Variants in KCNIP4 observed in about 807,000 individuals in gnomAD.
KCNIP4 encodes Kv channel-interacting protein 4.
A neutral mutation model predicts 34.0 loss-of-function variants in KCNIP4; 12 were observed. The ratio of observed to expected loss-of-function variants is 0.35; its 90% confidence interval spans 0.23 to 0.57. KCNIP4 has a LOEUF of 0.57. Among genes scored for constraint, KCNIP4 ranks in the 20% least tolerant of loss-of-function variants. The probability of loss-of-function intolerance (pLI) is 0.83; values close to 1 mark genes in which losing one functional copy is unlikely to be tolerated. For synonymous variants in KCNIP4, 124 were observed against 102.2 expected, an observed-to-expected ratio of 1.21 and a Z score of -1.29; for missense variants, 238 against 311.7, an observed-to-expected ratio of 0.76 and a Z score of 1.78.
In KCNIP4 at chr4:21,028,156, ACCATCTCT is replaced by A. The variant is rs1740708200; in HGVS notation, c.62-145455_62-145448del. Reference sequence around the variant, plus strand: ...ACCTTCAGAACATATCCAGAACCTCACCATCTCTCCCCTCCCCCCCAATTGTCACTGTC... The same window carrying A: ...ACCTTCAGAACATATCCAGAACCTCACCCCTCCCCCCCAATTGTCACTGTC... On this transcript the variant is annotated intron_variant, in intron 1 of 8. Coordinates refer to ENST00000382152, the MANE Select transcript of KCNIP4 (RefSeq NM_025221.6). 2.0e-5 allele frequency among the ~76,000 whole-genome samples: 3 copies of A among 151,960 alleles called. No individual in the cohort carries two copies. In the East Asian group the frequency reaches 5.8e-4, roughly 29 times the overall value.
chr4:21,672,098 C>T (rs1322326801), intron 1 of KCNIP4, among the ~76,000 whole-genome samples: 1 of 151,998 alleles, frequency 6.6e-6, no homozygotes, highest in Non-Finnish European at 1.5e-5. Context: ...GACGTGGACA[C>T]AAGGAGGGGA....
intron 1 of KCNIP4, among the ~76,000 whole-genome samples, chr4:21,125,305 C>T (rs1057457721): frequency 4.6e-5 from 7 of 150,892 alleles, no homozygotes; most frequent in Non-Finnish European, 8.8e-5. Context: ...GCAACCTCCG[C>T]CTCAGGGTTC....
intron 1 of KCNIP4, among the ~76,000 whole-genome samples, chr4:21,462,163 C>T (rs1451833900): frequency 2.0e-5 from 3 of 152,112 alleles, no homozygotes; most frequent in Non-Finnish European, 4.4e-5. Flanking sequence ...GTAACCGTAA[C>T]TTTCTCCCCA....
intron 1 of KCNIP4, among the ~76,000 whole-genome samples, chr4:20,929,219 G>T (rs903829618): frequency 6.6e-6 from 1 of 151,978 alleles, no homozygotes; most frequent in Admixed American, 6.6e-5. Flanking sequence ...TGCAAGGCTG[G>T]TTTAACATAC....
intron 1 of KCNIP4, among the ~76,000 whole-genome samples, chr4:21,186,693 A>G (rs917294355): frequency 6.6e-6 from 1 of 152,174 alleles, no homozygotes; most frequent in Non-Finnish European, 1.5e-5. Flanking sequence ...CACCCAGGCT[A>G]AAGTGCAGTG....
chr4:20,741,522 G>A (rs571678316), intron 5 of KCNIP4, among the ~76,000 whole-genome samples: 3 of 152,316 alleles, frequency 2.0e-5, no homozygotes, highest in Admixed American at 1.3e-4. Flanking sequence ...TGAAACCAAT[G>A]AGAACAAAGA....
chr4:21,383,203 T>C (rs1363353056), intron 1 of KCNIP4, among the ~76,000 whole-genome samples: 1 of 152,200 alleles, frequency 6.6e-6, no homozygotes, highest in East Asian at 1.9e-4. Flanking sequence ...ATCTTGGACA[T>C]GCAGCCTCCA....
At chr4:21,280,881 G>A (rs1762731834) in intron 1 of KCNIP4, among the ~76,000 whole-genome samples, 1 of 152,100 alleles carries the variant, frequency 6.6e-6, no homozygotes, top group Non-Finnish European at 1.5e-5. Flanking sequence ...TGGGTTTCTT[G>A]CGTAGCAGAG....
intron 1 of KCNIP4, among the ~76,000 whole-genome samples, chr4:21,664,346 G>C (rs10049533): frequency 0.3 from 45,250 of 151,112 alleles, 8,040 homozygotes; most frequent in East Asian, 0.75. Flanking sequence ...GCAGTAGATA[G>C]ACCTGTCAAA....
intron 2 of KCNIP4, among the ~76,000 whole-genome samples, chr4:20,858,284 T>C (rs1027437149): frequency 1.4e-5 from 2 of 142,148 alleles, no homozygotes; most frequent in Non-Finnish European, 3.0e-5. Flanking sequence ...AGAAAGGCCA[T>C]GTGAAGATGG....
chr4:20,749,796 AGCAG>A, intron 4 of KCNIP4, 64 bp from the exon 5 acceptor site: 3 of 1,040,324 alleles, frequency 2.9e-6, no homozygotes, highest in African/African-American at 1.6e-5. Context: ...AGACTTGGAT[AGCAG>A]TCCAAGCTTC....
chr4:21,608,250 A>G (rs1055597539), intron 1 of KCNIP4, among the ~76,000 whole-genome samples: 4 of 152,192 alleles, frequency 2.6e-5, no homozygotes, highest in Non-Finnish European at 5.9e-5. Context: ...TCCAGTGGTC[A>G]CTGCCACGTC....
chr4:21,395,634 TA>T (rs1250350571), intron 1 of KCNIP4, among the ~76,000 whole-genome samples: 1 of 152,066 alleles, frequency 6.6e-6, no homozygotes, highest in Non-Finnish European at 1.5e-5. Context: ...CTGACACACA[TA>T]AACCATTAAC....
At chr4:20,925,306 G>T (rs933687741) in intron 1 of KCNIP4, among the ~76,000 whole-genome samples, 2 of 152,048 alleles carry the variant, frequency 1.3e-5, no homozygotes, top group East Asian at 1.9e-4. Flanking sequence ...ATTCCCAGAT[G>T]GTTAGGGCAT....
At chr4:21,656,195 T>C (rs1434991284) in intron 1 of KCNIP4, among the ~76,000 whole-genome samples, 2 of 152,168 alleles carry the variant, frequency 1.3e-5, no homozygotes, top group Admixed American at 1.3e-4. Context: ...CTTGGTTTTC[T>C]TTAGCTTGCC....
At chr4:20,846,145 T>G in intron 3 of KCNIP4, among the ~76,000 whole-genome samples, 1 of 152,192 alleles carries the variant, frequency 6.6e-6, no homozygotes, top group East Asian at 1.9e-4. Context: ...GCCTTAATGA[T>G]ATATTTGATT....
At chr4:21,070,139 A>G (rs1218623839) in intron 1 of KCNIP4, among the ~76,000 whole-genome samples, 1 of 152,190 alleles carries the variant, frequency 6.6e-6, no homozygotes, top group East Asian at 1.9e-4. Context: ...TGCCCTTGTG[A>G]TCCATCCTAG....
intron 1 of KCNIP4, among the ~76,000 whole-genome samples, chr4:21,737,965 G>A (rs10002260): frequency 0.09 from 13,677 of 151,556 alleles, 2,090 homozygotes; most frequent in African/African-American, 0.31. Context: ...ATGGTGGCAC[G>A]CCTGTAGTCC....
At chr4:21,484,756 G>C (rs1212106793) in intron 1 of KCNIP4, among the ~76,000 whole-genome samples, 1 of 152,130 alleles carries the variant, frequency 6.6e-6, no homozygotes, top group East Asian at 1.9e-4. Flanking sequence ...AGGTAAAACT[G>C]ACCTCTTTCT....
Sources: allele counts gnomAD v4.1 joint callset (sites outside exome capture counted in the v4.1 genomes callset), GRCh38; gene constraint gnomAD v4.1.1; transcripts MANE v1.5; gene names NCBI Gene and HGNC (gene_info 2026-07-23, HGNC 2026-07-21).